EBF2: variants seen among roughly 807,000 people sequenced by gnomAD.
EBF2 encodes the protein EBF transcription factor 2.
In EBF2, 21 loss-of-function variants were observed where a neutral mutation model predicts 72.8. That is an observed-to-expected ratio of 0.29 (90% CI 0.20 to 0.42). The LOEUF (loss-of-function observed/expected upper bound fraction) is 0.42. EBF2 is among the 10% of genes least tolerant of loss of function. The pLI is 1.00. For missense variants in EBF2, 637 were observed against 731.2 expected (o/e 0.87, Z 1.49); for synonymous variants, 299 against 274.2 (o/e 1.09, Z -0.89).
At chr8:25,896,494 A>T (rs2117300280) in intron 7 of EBF2, among the ~76,000 whole-genome samples, 1 of 152,340 alleles carries the variant, frequency 6.6e-6, no homozygotes, top group Non-Finnish European at 1.5e-5. Flanking sequence ...GAGTGGGAAA[A>T]AAAATTCTTT....
At position 25,861,136 on chromosome 8, in the gene EBF2, G is replaced by C; in HGVS notation, c.1255C>G (p.Pro419Ala). The C allele has an allele frequency of 6.2e-7, 1 of 1,614,160 alleles. No individual in the cohort carries two copies. Among genetic ancestry groups the C allele is most frequent in the Non-Finnish European group, 8.5e-7 (1 of 1,180,026 alleles). Residue 419 changes from proline (P) to alanine (A), a missense_variant, in exon 13 of 16, where the codon CCA (proline) becomes GCA (alanine). This residue lies in a region of EBF2 where 259 missense variants were observed against 268.1 expected (regional missense o/e 0.97). Coordinates refer to ENST00000520164, the MANE Select transcript of EBF2 (RefSeq NM_022659.4). The stretch of plus-strand genomic sequence containing the variant: ...ATTCCCATCATGCCACTGTGCGCTG[G>C]GGAGCTAGAGAGGGCTGGAAGCTGG... Reference protein sequence around the residue: ...PSQLPALSSSPAHSGMMGINS... With the variant: ...PSQLPALSSSAAHSGMMGINS...
intron 13 of EBF2, among the ~76,000 whole-genome samples, chr8:25,859,734 T>TTTTTTTTTTTTTTTTTTG (rs1183390975): frequency 4.0e-4 from 61 of 151,174 alleles, no homozygotes; most frequent in African/African-American, 1.4e-3. Context: ...TTTTTTTTTT[T>TTTTTTTTTTTTTTTTTTG]GAGACAAGAT....
At chr8:26,038,396 A>C (rs1805540521) in intron 5 of EBF2, among the ~76,000 whole-genome samples, 1 of 152,232 alleles carries the variant, frequency 6.6e-6, no homozygotes, top group Non-Finnish European at 1.5e-5. Flanking sequence ...CTTAAACAGC[A>C]TAAAATGAGG....
chr8:25,874,976 G>T (rs1802498692), intron 10 of EBF2, among the ~76,000 whole-genome samples: 1 of 151,400 alleles, frequency 6.6e-6, no homozygotes, highest in African/African-American at 2.4e-5. Flanking sequence ...GGGAACCATG[G>T]TGCCTGGCTT....
intron 7 of EBF2, among the ~76,000 whole-genome samples, chr8:25,901,069 C>T (rs76332697): frequency 0.012 from 1,853 of 152,186 alleles, 43 homozygotes; most frequent in African/African-American, 0.042. Flanking sequence ...ACATTCAATG[C>T]ATGCAACAAA....
intron 6 of EBF2, among the ~76,000 whole-genome samples, chr8:26,006,815 TC>T (rs1324725534): frequency 4.6e-5 from 7 of 152,216 alleles, no homozygotes; most frequent in African/African-American, 1.7e-4. Context: ...CAATTTCTTT[TC>T]CCTTTAAAGG....
intron 11 of EBF2, among the ~76,000 whole-genome samples, 162 bp downstream of exon 11, chr8:25,862,544 CCAT>C (rs1802229278): frequency 6.6e-6 from 1 of 151,860 alleles, no homozygotes; most frequent in South Asian, 2.1e-4. Flanking sequence ...ATAAATAAGA[CCAT>C]AATATATTTC....
At chr8:25,951,845 A>G (rs1803867527) in intron 6 of EBF2, among the ~76,000 whole-genome samples, 1 of 152,234 alleles carries the variant, frequency 6.6e-6, no homozygotes, top group African/African-American at 2.4e-5. Flanking sequence ...GCTAAGAGAA[A>G]CAAGCAAGGT....
chr8:26,019,147 G>A (rs1805164663), intron 6 of EBF2, among the ~76,000 whole-genome samples: 1 of 152,130 alleles, frequency 6.6e-6, no homozygotes, highest in Non-Finnish European at 1.5e-5. Context: ...TGTGCAACAA[G>A]TTCAGGCATC....
In EBF2 at chr8:25,953,524, C is replaced by A. The variant is rs79363941; in HGVS notation, c.552-44969G>T. On this transcript the variant is annotated intron_variant, in intron 6 of 15. Coordinates refer to ENST00000520164, the MANE Select transcript of EBF2 (RefSeq NM_022659.4). ...TGCCTCCCAGAATGGGTGGTGGAAC[C>A]CATTTCCATTGATCTTCCAGTCCCA... 3.3e-3 allele frequency among the ~76,000 whole-genome samples: 509 copies of A among 152,250 alleles called. 1 individual carries two copies. Among genetic ancestry groups the A allele is most frequent in the African/African-American group, 0.012 (482 of 41,550 alleles).
chr8:25,872,656 T>C (rs1376441615), intron 10 of EBF2, among the ~76,000 whole-genome samples: 1 of 150,664 alleles, frequency 6.6e-6, no homozygotes, highest in African/African-American at 2.5e-5. Flanking sequence ...CACTGAAAGG[T>C]TTTCTTTGCA....
In EBF2 at chr8:26,045,042, C is replaced by A. The variant is rs528988849; in HGVS notation, c.-183G>T. The A allele has an allele frequency of 4.9e-5, 31 of 627,932 alleles. No homozygotes were observed. The highest frequency in any genetic ancestry group is 3.9e-4 in the East Asian group (13 of 33,426). The allele number at this position is 627,932 out of a possible 1,614,324, so 38.9% of individuals were successfully genotyped here. On this transcript the variant is annotated 5_prime_UTR_variant, in exon 1 of 16. Coordinates refer to ENST00000520164, the MANE Select transcript of EBF2 (RefSeq NM_022659.4). Reference sequence around the variant, plus strand: ...CGTCCTTTGCTTCACTGGCGAGGTGCGGACTGATGTAGTCAAAGTTTGGGT... The same window carrying A: ...CGTCCTTTGCTTCACTGGCGAGGTGAGGACTGATGTAGTCAAAGTTTGGGT...
At chr8:26,021,970 T>G (rs1413924173) in intron 6 of EBF2, among the ~76,000 whole-genome samples, 1 of 152,202 alleles carries the variant, frequency 6.6e-6, no homozygotes, top group African/African-American at 2.4e-5. Flanking sequence ...ACTTTTTGCA[T>G]GTAAGAAACA....
chr8:25,963,991 T>C (rs1804075291), intron 6 of EBF2, among the ~76,000 whole-genome samples: 1 of 152,094 alleles, frequency 6.6e-6, no homozygotes, highest in Non-Finnish European at 1.5e-5. Flanking sequence ...CAGGTTTCCT[T>C]GCTGCTGATG....
At chr8:25,948,532 T>C (rs1367936207) in intron 6 of EBF2, among the ~76,000 whole-genome samples, 1 of 152,150 alleles carries the variant, frequency 6.6e-6, no homozygotes, top group Non-Finnish European at 1.5e-5. Flanking sequence ...TTCCTAAATC[T>C]CCAAGTGATG....
intron 10 of EBF2, among the ~76,000 whole-genome samples, chr8:25,870,003 C>T (rs901843143): frequency 5.3e-5 from 8 of 152,228 alleles, no homozygotes; most frequent in African/African-American, 1.7e-4. Flanking sequence ...ATCCTTCCAT[C>T]CCCCTCTGGG....
intron 6 of EBF2, among the ~76,000 whole-genome samples, chr8:25,980,279 C>T (rs539586768): frequency 1.6e-4 from 24 of 152,240 alleles, no homozygotes; most frequent in African/African-American, 5.3e-4. Context: ...AGATACAACA[C>T]GTTTCCACTG....
intron 6 of EBF2, among the ~76,000 whole-genome samples, chr8:25,910,286 T>G (rs11783374): frequency 6.6e-6 from 1 of 151,694 alleles, no homozygotes; most frequent in Non-Finnish European, 1.5e-5. Context: ...TCACAATGCT[T>G]GCAAATATTG....
At chr8:26,001,276 TAA>T (rs1318775215) in intron 6 of EBF2, among the ~76,000 whole-genome samples, 2 of 151,774 alleles carry the variant, frequency 1.3e-5, no homozygotes, top group African/African-American at 4.8e-5. Context: ...AAAAAAAAGT[TAA>T]GAGAGGAGGA....
Sources: gnomAD v4.1 joint callset for allele counts (sites outside exome capture counted in the v4.1 genomes callset) on GRCh38, gnomAD v4.1.1 for gene constraint, gnomAD v4.1.1 regional missense constraint, MANE v1.5 for transcripts, NCBI Gene and HGNC (gene_info 2026-07-23, HGNC 2026-07-21) for gene names.